Variants in RBFOX3 observed in about 807,000 individuals in gnomAD.
The protein encoded by RBFOX3 is RNA binding protein fox-1 homolog 3.
Under a neutral mutation model 48.7 loss-of-function variants are expected in RBFOX3, and 17 were observed. The ratio of observed to expected loss-of-function variants is 0.35; its 90% confidence interval spans 0.24 to 0.52. RBFOX3 has a LOEUF of 0.52. RBFOX3 is among the 20% of genes least tolerant of loss of function. The pLI, the probability that RBFOX3 is intolerant of heterozygous loss-of-function variation, is 0.94. For missense variants in RBFOX3, 382 were observed against 497.5 expected, an observed-to-expected ratio of 0.77 and a Z score of 2.21; for synonymous variants, 212 against 209.5, an observed-to-expected ratio of 1.01 and a Z score of -0.10.
At chr17:79,532,718 C>T (rs1320475261) in intron 1 of RBFOX3, among the ~76,000 whole-genome samples, 1 of 152,240 alleles carries the variant, frequency 6.6e-6, no homozygotes, top group Non-Finnish European at 1.5e-5. Context: ...GAGTCTTGGC[C>T]TTGCTGCCCT....
At chr17:79,385,051 C>A (rs985335341) in intron 2 of RBFOX3, among the ~76,000 whole-genome samples, 8 of 152,226 alleles carry the variant, frequency 5.3e-5, no homozygotes, top group African/African-American at 7.2e-5. Flanking sequence ...CAACATTTCC[C>A]GGCCCCTGCC....
intron 2 of RBFOX3, among the ~76,000 whole-genome samples, chr17:79,470,944 G>A (rs1555756606): frequency 6.6e-6 from 1 of 152,074 alleles, no homozygotes; most frequent in Non-Finnish European, 1.5e-5. Flanking sequence ...TCCAAGACAG[G>A]CCACTTAATC....
intron 4 of RBFOX3, among the ~76,000 whole-genome samples, chr17:79,134,882 G>T (rs968803892): frequency 1.3e-5 from 2 of 152,154 alleles, no homozygotes; most frequent in African/African-American, 4.8e-5. Context: ...AGAGCACGGC[G>T]GGGCTGGCTT....
At chr17:79,448,515 C>T (rs7222797) in intron 2 of RBFOX3, among the ~76,000 whole-genome samples, 64,571 of 151,860 alleles carry the variant, frequency 0.43, 13,948 homozygotes, top group South Asian at 0.47. Flanking sequence ...TGCAGCAATG[C>T]CTCTCCAAGC....
At chr17:79,224,527 C>A (rs2060097949) in intron 4 of RBFOX3, among the ~76,000 whole-genome samples, 2 of 152,196 alleles carry the variant, frequency 1.3e-5, no homozygotes, top group Admixed American at 1.3e-4. Context: ...CATCCCCTGG[C>A]CCATAGCTGG....
At chr17:79,357,474 A>T (rs1046751885) in intron 2 of RBFOX3, among the ~76,000 whole-genome samples, 63 of 152,104 alleles carry the variant, frequency 4.1e-4, no homozygotes, top group African/African-American at 5.1e-4. Context: ...TTAAAAATAT[A>T]AAAAAAATTA....
intron 1 of RBFOX3, among the ~76,000 whole-genome samples, chr17:79,528,271 G>C (rs2087094630): frequency 2.6e-5 from 4 of 151,308 alleles, no homozygotes; most frequent in Admixed American, 2.6e-4. Context: ...CTCTGAGTAG[G>C]ATCTTAGTTG....
At chr17:79,096,585 C>T (rs373220550) in intron 12 of RBFOX3, 68 bp downstream of exon 12, 303 of 1,373,626 alleles carry the variant, frequency 2.2e-4, no homozygotes, top group Middle Eastern at 1.4e-3. Flanking sequence ...AGAGAGGAGA[C>T]GCCGACTTCT....
upstream of RBFOX3, among the ~76,000 whole-genome samples, chr17:79,611,464 T>C (rs1043558071): frequency 6.6e-6 from 1 of 151,702 alleles, no homozygotes; most frequent in African/African-American, 2.4e-5. Flanking sequence ...ACACGGAAGA[T>C]CCCAGAACCC....
intron 12 of RBFOX3, 68 bp from the exon 13 acceptor site, chr17:79,095,642 G>T: frequency 7.1e-7 from 1 of 1,398,904 alleles, no homozygotes. Context: ...AGGCTGAGTG[G>T]GGAGAGGAGA....
upstream of RBFOX3, among the ~76,000 whole-genome samples, chr17:79,614,861 T>A (rs1179931986): frequency 6.6e-6 from 1 of 151,578 alleles, no homozygotes; most frequent in African/African-American, 2.4e-5. Context: ...AAAAACTAGA[T>A]GATCAATTCA....
chr17:79,220,474 G>A lies in RBFOX3; in HGVS notation c.-34+15292C>T, dbSNP rs570864805. 3.3e-5 allele frequency among the ~76,000 whole-genome samples: 5 copies of A among 152,000 alleles called. No individual in the cohort carries two copies. The highest frequency in any genetic ancestry group is 5.9e-5 in the Non-Finnish European group (4 of 68,006). On this transcript the variant is annotated intron_variant, in intron 4 of 14. Transcript: ENST00000693108. The surrounding 1 kb of genome is among the most constrained non-coding windows in gnomAD (Gnocchi z 5.9). The stretch of plus-strand genomic sequence containing the variant: ...TCAGCTCCGTGCCTGCTCTCCGCTC[G>A]CCCATCGATGGGGTCCTGCCCGGCA...
At chr17:79,113,167 G>C (rs978189506) in intron 5 of RBFOX3, among the ~76,000 whole-genome samples, 1 of 152,104 alleles carries the variant, frequency 6.6e-6, no homozygotes, top group African/African-American at 2.4e-5. Context: ...ACAGGGTCTG[G>C]GGACACCTGA....
At chr17:79,183,700 TGCGTGTGTGAGTGCGCGCGTGTGCGC>T (rs953571611) in intron 4 of RBFOX3, among the ~76,000 whole-genome samples, 11 of 151,944 alleles carry the variant, frequency 7.2e-5, no homozygotes, top group African/African-American at 1.2e-4. Context: ...GTGGTGCGTG[TGCGTGTGTGAGTGCGCGCGTGTGCGC>T]GCGTGTGTAG....
chr17:79,460,111 G>A (rs966922872), intron 2 of RBFOX3, among the ~76,000 whole-genome samples: 1 of 152,106 alleles, frequency 6.6e-6, no homozygotes, highest in Non-Finnish European at 1.5e-5. Context: ...GAGGGGATGG[G>A]GAGAGGCTGC....
chr17:79,647,601 G>A, the RBFOX3 span, among the ~76,000 whole-genome samples: 44 of 152,156 alleles, frequency 2.9e-4, no homozygotes, highest in African/African-American at 1.0e-3. Context: ...CCCCAGCCCC[G>A]GGAGCCTGGG....
At chr17:79,651,691 TC>T in the RBFOX3 span, among the ~76,000 whole-genome samples, 1 of 66,784 alleles carries the variant, frequency 1.5e-5, no homozygotes, top group South Asian at 8.8e-4. Flanking sequence ...CCTCCTTCCC[TC>T]CCCCTCCCCC....
chr17:79,275,798 G>C (rs2068694603), intron 3 of RBFOX3, among the ~76,000 whole-genome samples: 1 of 152,222 alleles, frequency 6.6e-6, no homozygotes, highest in South Asian at 2.1e-4. Context: ...GGCTGGGCTT[G>C]GAGCTGGAAC....
At chr17:79,491,279 G>T (rs866414) in intron 1 of RBFOX3, among the ~76,000 whole-genome samples, 45,071 of 150,462 alleles carry the variant, frequency 0.3, 7,919 homozygotes, top group East Asian at 0.62. Context: ...TAGGACTAGG[G>T]GTAGCAGGAG....
Sources: gnomAD v4.1 joint callset for allele counts (sites outside exome capture counted in the v4.1 genomes callset) on GRCh38, gnomAD v4.1.1 for gene constraint, Gnocchi (gnomAD v3.1) non-coding constraint, MANE v1.5 for transcripts, NCBI Gene and HGNC (gene_info 2026-07-23, HGNC 2026-07-21) for gene names.